The following SLC9D1 variants were observed in gnomAD, a reference collection of about 807,000 sequenced individuals.
The protein encoded by SLC9D1 is putative LAG1-interacting protein.
At chr13:113,544,794 C>T in the SLC9D1 span, among the ~76,000 whole-genome samples, 3 of 152,230 alleles carry the variant, frequency 2.0e-5, no homozygotes, top group East Asian at 1.9e-4. Context: ...AAGTAGCTCC[C>T]GCAGACCCTG....
the SLC9D1 span, among the ~76,000 whole-genome samples, chr13:113,537,888 C>A: frequency 6.6e-6 from 1 of 151,980 alleles, no homozygotes; most frequent in Non-Finnish European, 1.5e-5. Context: ...ACCAAGTAGC[C>A]GTGTGTGTGT....
the SLC9D1 span, chr13:113,491,321 C>A: frequency 1.3e-4 from 20 of 152,590 alleles, no homozygotes; most frequent in African/African-American, 4.9e-4. Context: ...GGGTCCCCTT[C>A]CTTCCCTCCC....
chr13:113,497,955 A>G, the SLC9D1 span, among the ~76,000 whole-genome samples: 2 of 152,210 alleles, frequency 1.3e-5, no homozygotes, highest in Non-Finnish European at 2.9e-5. Flanking sequence ...TTGACTGTGC[A>G]TTGCATTTAG....
the SLC9D1 span, among the ~76,000 whole-genome samples, chr13:113,509,937 T>C: frequency 1.7e-3 from 253 of 152,288 alleles, 2 homozygotes; most frequent in African/African-American, 5.9e-3. Flanking sequence ...CTCGGTGTTT[T>C]CATCTGAAAG....
the SLC9D1 span, among the ~76,000 whole-genome samples, chr13:113,526,082 A>G: frequency 5.3e-5 from 8 of 151,742 alleles, no homozygotes; most frequent in African/African-American, 1.9e-4. Context: ...AGGAGACGAC[A>G]GCTCTGTGCC....
the SLC9D1 span, among the ~76,000 whole-genome samples, chr13:113,544,974 A>G: frequency 6.6e-6 from 1 of 152,330 alleles, no homozygotes; most frequent in East Asian, 1.9e-4. Context: ...CTTTATCGAC[A>G]ATGTCAGTCA....
chr13:113,514,488 A>G, the SLC9D1 span: 1 of 150,106 alleles, frequency 6.7e-6, no homozygotes, highest in African/African-American at 2.5e-5. Context: ...GATCGACGCC[A>G]TCCACACAAG....
At chr13:113,550,121 A>G in the SLC9D1 span, 1 of 156,504 alleles carries the variant, frequency 6.4e-6, no homozygotes, top group African/African-American at 2.4e-5. Context: ...TATTAGATAT[A>G]TCACTTAAAA....
At chr13:113,506,128 G>A in the SLC9D1 span, 2 of 185,174 alleles carry the variant, frequency 1.1e-5, no homozygotes, top group South Asian at 7.9e-5. Flanking sequence ...ACTGTTGTGG[G>A]TGGGGAGGGT....
chr13:113,536,624 C>T, the SLC9D1 span: 1 of 979,210 alleles, frequency 1.0e-6, no homozygotes, highest in Non-Finnish European at 1.2e-6. Context: ...CTCTGCCCGG[C>T]TCTCAGGTTT....
the SLC9D1 span, chr13:113,501,721 A>T: frequency 6.3e-7 from 1 of 1,587,294 alleles, no homozygotes; most frequent in South Asian, 1.1e-5. Flanking sequence ...GTTATCTTAT[A>T]CTTCTGTTTC....
the SLC9D1 span, among the ~76,000 whole-genome samples, chr13:113,507,935 C>A: frequency 6.6e-6 from 1 of 152,244 alleles, no homozygotes; most frequent in African/African-American, 2.4e-5. Context: ...GCCTCCTGAC[C>A]TTCAGCCCAC....
chr13:113,541,224 C>T, the SLC9D1 span, among the ~76,000 whole-genome samples: 8 of 151,950 alleles, frequency 5.3e-5, no homozygotes, highest in Admixed American at 2.0e-4. Flanking sequence ...GATTATGCCA[C>T]GCACACGATT....
the SLC9D1 span, among the ~76,000 whole-genome samples, chr13:113,517,463 C>G: frequency 6.6e-6 from 1 of 152,074 alleles, no homozygotes. Context: ...CTCCTGACCT[C>G]GTGATCCGCC....
At chr13:113,534,293 C>G in the SLC9D1 span, 1 of 1,417,012 alleles carries the variant, frequency 7.1e-7, no homozygotes, top group South Asian at 1.2e-5. Context: ...ATCTCTTTCA[C>G]TGAAATCTTG....
the SLC9D1 span, chr13:113,539,404 T>G: frequency 6.2e-7 from 1 of 1,613,652 alleles, no homozygotes; most frequent in East Asian, 2.2e-5. This position sits in a 1 kb window ranked among gnomAD's most constrained non-coding sequence, Gnocchi z 4.8. Context: ...GTTTCCTGGC[T>G]GGAGCGCTCG....
At chr13:113,539,601 A>T in the SLC9D1 span, 1 of 1,336,934 alleles carries the variant, frequency 7.5e-7, no homozygotes, top group Non-Finnish European at 1.0e-6. This position sits in a 1 kb window ranked among gnomAD's most constrained non-coding sequence, Gnocchi z 4.8. Context: ...TATATAGCAA[A>T]AATGGTTATC....
At chr13:113,546,909 G>A in the SLC9D1 span, among the ~76,000 whole-genome samples, 1 of 152,222 alleles carries the variant, frequency 6.6e-6, no homozygotes, top group Non-Finnish European at 1.5e-5. This position sits in a 1 kb window ranked among gnomAD's most constrained non-coding sequence, Gnocchi z 7.1. Context: ...CAGGCGTCCT[G>A]TGAGCGTGGC....
At chr13:113,515,547 C>T in the SLC9D1 span, among the ~76,000 whole-genome samples, 1 of 152,082 alleles carries the variant, frequency 6.6e-6, no homozygotes, top group African/African-American at 2.4e-5. Flanking sequence ...TCATGACATG[C>T]TTTGTACCTT....
Sources: allele counts gnomAD v4.1 joint callset (sites outside exome capture counted in the v4.1 genomes callset), GRCh38; gene constraint gnomAD v4.1.1; non-coding constraint Gnocchi (gnomAD v3.1); transcripts MANE v1.5; gene names NCBI Gene and HGNC (gene_info 2026-07-23, HGNC 2026-07-21).